The following KHDRBS2 variants were observed in gnomAD, a reference collection of about 807,000 sequenced individuals.
KHDRBS2 encodes KH domain-containing, RNA-binding, signal transduction-associated protein 2.
In KHDRBS2, 26 loss-of-function variants were observed where a neutral mutation model predicts 44.3. The observed-to-expected ratio is 0.59, with a 90% CI of 0.43 to 0.81. The LOEUF is 0.81. Among genes scored for constraint, KHDRBS2 ranks in the 40% least tolerant of loss-of-function variants. The probability of loss-of-function intolerance (pLI) is 0.00; values close to 1 mark genes in which losing one functional copy is unlikely to be tolerated. For missense variants in KHDRBS2, 476 were observed against 433.1 expected, an observed-to-expected ratio of 1.10 and a Z score of -0.88; for synonymous variants, 194 against 151.1, an observed-to-expected ratio of 1.28 and a Z score of -2.08.
chr6:61,826,613 T>A (rs1463690558), intron 6 of KHDRBS2, among the ~76,000 whole-genome samples: 3 of 152,122 alleles, frequency 2.0e-5, no homozygotes, highest in African/African-American at 4.8e-5. Context: ...ATCTGGTCGA[T>A]GCTAGCAACC....
intron 2 of KHDRBS2, among the ~76,000 whole-genome samples, chr6:62,074,149 G>A (rs890198828): frequency 1.3e-5 from 2 of 151,874 alleles, no homozygotes; most frequent in Non-Finnish European, 2.9e-5. Context: ...GCATGAAGCT[G>A]TAACTTCACT....
intron 7 of KHDRBS2, among the ~76,000 whole-genome samples, chr6:61,725,450 G>A (rs531788393): frequency 6.6e-6 from 1 of 151,926 alleles, no homozygotes; most frequent in South Asian, 2.1e-4. Flanking sequence ...AGATCAAAGT[G>A]GAACTAATGG....
At chr6:61,949,371 A>C (rs565353400) in intron 4 of KHDRBS2, among the ~76,000 whole-genome samples, 1 of 152,172 alleles carries the variant, frequency 6.6e-6, no homozygotes, top group East Asian at 1.9e-4. Context: ...TACATGTTGC[A>C]TGCTTTTTAT....
chr6:61,724,315 T>A (rs1174717259), intron 7 of KHDRBS2, among the ~76,000 whole-genome samples: 1 of 152,028 alleles, frequency 6.6e-6, no homozygotes, highest in East Asian at 1.9e-4. Flanking sequence ...TTCTTAAAAA[T>A]AGACTAAATA....
the KHDRBS2 span, among the ~76,000 whole-genome samples, chr6:61,630,841 T>C: frequency 6.6e-6 from 1 of 152,168 alleles, no homozygotes; most frequent in Non-Finnish European, 1.5e-5. Flanking sequence ...TGTATATTTT[T>C]AGTGCTGAGT....
At chr6:61,557,703 T>G in the KHDRBS2 span, among the ~76,000 whole-genome samples, 3 of 152,168 alleles carry the variant, frequency 2.0e-5, no homozygotes, top group Admixed American at 2.0e-4. Flanking sequence ...GTAAGCAGGA[T>G]TGATATTAGT....
In KHDRBS2 at chr6:62,081,743, G is replaced by GT. The variant is rs552955930; in HGVS notation, c.220-33750dup. Among the ~76,000 whole-genome samples the GT allele has an allele frequency of 9.2e-5, 14 of 151,576 alleles. No individual in the cohort carries two copies. The East Asian group carries it at 9.8e-4, about 11-fold the overall frequency. ...TGCAATTAAATTGTTCCTTTGTATT[G>GT]TTTTTTTCATTTATCATCTCATATT... On this transcript the variant is annotated intron_variant, in intron 2 of 8. Coordinates refer to ENST00000281156, the MANE Select transcript of KHDRBS2 (RefSeq NM_152688.4).
intron 4 of KHDRBS2, among the ~76,000 whole-genome samples, chr6:61,908,820 T>A (rs1316426499): frequency 6.6e-6 from 1 of 152,212 alleles, no homozygotes; most frequent in South Asian, 2.1e-4. Flanking sequence ...GTATGTTAGA[T>A]AGAATTACAA....
intron 1 of KHDRBS2, among the ~76,000 whole-genome samples, chr6:62,212,833 T>G (rs1829307936): frequency 6.6e-6 from 1 of 151,972 alleles, no homozygotes; most frequent in Non-Finnish European, 1.5e-5. Context: ...AACTATACAG[T>G]TTTTGGTAGT....
intron 2 of KHDRBS2, among the ~76,000 whole-genome samples, chr6:62,159,087 AATG>A (rs148125974): frequency 0.011 from 1,605 of 152,300 alleles, 33 homozygotes; most frequent in African/African-American, 0.036. Context: ...TAATATTTAA[AATG>A]ATGACATGGA....
intron 3 of KHDRBS2, among the ~76,000 whole-genome samples, chr6:61,997,960 C>T (rs1477033327): frequency 6.6e-6 from 1 of 152,058 alleles, no homozygotes; most frequent in Admixed American, 6.6e-5. Flanking sequence ...AAATTGGAGC[C>T]TAAAATCAAC....
intron 8 of KHDRBS2, among the ~76,000 whole-genome samples, chr6:61,682,211 G>A (rs1041224012): frequency 6.6e-6 from 1 of 151,820 alleles, no homozygotes; most frequent in Non-Finnish European, 1.5e-5. Context: ...TTATAATATA[G>A]AGCAAATGAA....
At chr6:62,151,217 A>T (rs1337374482) in intron 2 of KHDRBS2, among the ~76,000 whole-genome samples, 1 of 152,176 alleles carries the variant, frequency 6.6e-6, no homozygotes, top group Non-Finnish European at 1.5e-5. Flanking sequence ...TAAATTGAAC[A>T]TAAGAACACA....
chr6:62,282,060 T>C (rs1487437869), intron 1 of KHDRBS2, among the ~76,000 whole-genome samples: 1 of 152,224 alleles, frequency 6.6e-6, no homozygotes, highest in Admixed American at 6.5e-5. Flanking sequence ...CACTATTTTT[T>C]AACCAGAAGC....
At chr6:62,011,390 T>C (rs1780256681) in intron 3 of KHDRBS2, among the ~76,000 whole-genome samples, 2 of 152,252 alleles carry the variant, frequency 1.3e-5, no homozygotes, top group African/African-American at 4.8e-5. Flanking sequence ...TAAACAATGA[T>C]GTAGAAATGT....
chr6:61,964,571 C>A (rs1769486255), intron 4 of KHDRBS2, among the ~76,000 whole-genome samples: 1 of 151,926 alleles, frequency 6.6e-6, no homozygotes, highest in Non-Finnish European at 1.5e-5. Context: ...AAAAAATAAG[C>A]TTTTTTCTCC....
chr6:61,636,353 T>C, the KHDRBS2 span, among the ~76,000 whole-genome samples: 2 of 152,082 alleles, frequency 1.3e-5, no homozygotes, highest in Non-Finnish European at 2.9e-5. Context: ...AATTTAAACT[T>C]ATTAATTTGT....
At chr6:62,131,575 A>C (rs1335817621) in intron 2 of KHDRBS2, among the ~76,000 whole-genome samples, 2 of 152,174 alleles carry the variant, frequency 1.3e-5, no homozygotes, top group Non-Finnish European at 2.9e-5. Flanking sequence ...CACTGATGAA[A>C]CATAGACATT....
the KHDRBS2 span, among the ~76,000 whole-genome samples, chr6:61,648,330 G>T: frequency 6.6e-6 from 1 of 151,894 alleles, no homozygotes; most frequent in Non-Finnish European, 1.5e-5. Context: ...TTTAGATAAG[G>T]CTAGAATCTA....
Sources: gnomAD v4.1 joint callset for allele counts (sites outside exome capture counted in the v4.1 genomes callset) on GRCh38, gnomAD v4.1.1 for gene constraint, MANE v1.5 for transcripts, NCBI Gene and HGNC (gene_info 2026-07-23, HGNC 2026-07-21) for gene names.